MMP16: variants seen among roughly 807,000 people sequenced by gnomAD.
MMP16 encodes the protein matrix metalloproteinase-16.
A neutral mutation model predicts 67.8 loss-of-function variants in MMP16; 12 were observed. The ratio of observed to expected loss-of-function variants is 0.18; its 90% confidence interval spans 0.11 to 0.29. The LOEUF is 0.29. MMP16 is among the 10% of genes least tolerant of loss of function. The pLI is 1.00. For synonymous variants in MMP16, 249 were observed against 255.9 expected (o/e 0.97, Z 0.26); for missense variants, 475 against 765.7 (o/e 0.62, Z 4.48).
intron 4 of MMP16, among the ~76,000 whole-genome samples, chr8:88,163,229 C>T (rs546275464): frequency 3.3e-5 from 5 of 152,144 alleles, no homozygotes; most frequent in African/African-American, 1.2e-4. Context: ...TCCGTTGACT[C>T]AAGTATCACA....
intron 1 of MMP16, among the ~76,000 whole-genome samples, chr8:88,267,453 C>T (rs1030556124): frequency 4.6e-5 from 7 of 152,172 alleles, no homozygotes; most frequent in African/African-American, 1.7e-4. Context: ...AACACTTGCA[C>T]CTATTAATGT....
At chr8:88,304,916 C>T (rs1811190217) in intron 1 of MMP16, among the ~76,000 whole-genome samples, 1 of 152,156 alleles carries the variant, frequency 6.6e-6, no homozygotes, top group Non-Finnish European at 1.5e-5. Flanking sequence ...CAGCTACCAT[C>T]ATAATGACAG....
At chr8:88,309,757 T>G (rs533553550) in intron 1 of MMP16, among the ~76,000 whole-genome samples, 5 of 152,118 alleles carry the variant, frequency 3.3e-5, no homozygotes, top group African/African-American at 1.2e-4. Context: ...GTATTCTCTG[T>G]TTTTATCCTG....
At chr8:88,263,619 G>C (rs1157812177) in intron 1 of MMP16, among the ~76,000 whole-genome samples, 1 of 152,216 alleles carries the variant, frequency 6.6e-6, no homozygotes, top group East Asian at 1.9e-4. Context: ...TTGGCTTATA[G>C]AGAGCTATCT....
At chr8:88,088,880 AC>A (rs1250861561) in intron 6 of MMP16, among the ~76,000 whole-genome samples, 2 of 152,092 alleles carry the variant, frequency 1.3e-5, no homozygotes. Context: ...TATGGGTTTT[AC>A]CCATGAATTA....
chr8:88,149,038 G>T (rs958022253), intron 4 of MMP16, among the ~76,000 whole-genome samples: 1 of 152,228 alleles, frequency 6.6e-6, no homozygotes, highest in African/African-American at 2.4e-5. Context: ...GCGAGGCATT[G>T]CCTCACCTGG....
At chr8:88,286,129 C>T (rs1810827079) in intron 1 of MMP16, among the ~76,000 whole-genome samples, 1 of 152,144 alleles carries the variant, frequency 6.6e-6, no homozygotes, top group South Asian at 2.1e-4. Context: ...CACTCCTTCC[C>T]ACTCAATACA....
Position 88,250,965 on chromosome 8 carries a change from C to T in MMP16, c.133-53659G>A, listed in dbSNP as rs1810208490. On this transcript the variant is annotated intron_variant, in intron 1 of 9. Transcript: ENST00000286614. ...ACAACAGTCCCCAGAGTGTGATGCTCCCCTTCCTGTGTCCATGTGATCTCA... is the reference window on the plus strand; with the variant it reads ...ACAACAGTCCCCAGAGTGTGATGCTTCCCTTCCTGTGTCCATGTGATCTCA... Among the ~76,000 whole-genome samples, 10 of 144,810 alleles carry T rather than the reference C, an allele frequency of 6.9e-5. No individual in the cohort carries two copies. In the South Asian group the frequency reaches 2.3e-3, roughly 34 times the overall value.
chr8:88,167,908 T>A lies in MMP16; in HGVS notation c.470A>T (p.Asp157Val). ...ETRKAIRRAF[D>V]VWQNVTPLTF... ...CAGAGGAGTTACATTCTGCCACACA[T>A]CAAAGGCACGGCGAATAGCTTTACG... is the stretch of plus-strand genomic sequence containing the variant. Residue 157 changes from aspartate to valine, a missense_variant, in exon 4 of 10, where the codon GAT becomes GTT. Physicochemically the swap from Asp to Val is radical, Grantham distance 152. This residue lies in a region of MMP16 where 170 missense variants were observed against 239.6 expected (regional missense o/e 0.71). Transcript: ENST00000286614. 6 of 1,614,010 alleles carry A rather than the reference T, an allele frequency of 3.7e-6. No homozygotes were observed. Among genetic ancestry groups the A allele is most frequent in the Non-Finnish European group, 5.1e-6 (6 of 1,179,958 alleles).
At chr8:88,217,722 T>C (rs1456710227) in intron 1 of MMP16, among the ~76,000 whole-genome samples, 3 of 152,066 alleles carry the variant, frequency 2.0e-5, no homozygotes, top group African/African-American at 4.8e-5. Flanking sequence ...TGATCCTTAC[T>C]ATCACTATTT....
chr8:88,045,609 A>G (rs1272613124), intron 9 of MMP16, among the ~76,000 whole-genome samples: 3 of 151,898 alleles, frequency 2.0e-5, no homozygotes, highest in Non-Finnish European at 4.4e-5. Context: ...CAGGTAATCT[A>G]CCCACCTCAG....
chr8:88,144,531 T>A lies in MMP16; in HGVS notation c.709+23138A>T, dbSNP rs576862910. 3.8e-3 allele frequency among the ~76,000 whole-genome samples: 572 copies of A among 151,732 alleles called. 6 individuals are homozygous for A. Among genetic ancestry groups the A allele is most frequent in the African/African-American group, 0.012 (502 of 41,488 alleles). On this transcript the variant is annotated intron_variant, in intron 4 of 9. Transcript: ENST00000286614. The stretch of plus-strand genomic sequence containing the variant: ...GGTTTAAAAAATTAAAATGAAAAAA[T>A]TAGAGACTTTTATCTAATTTTAGCA...
At chr8:88,061,127 TAC>T (rs149547108) in intron 7 of MMP16, among the ~76,000 whole-genome samples, 7,213 of 142,956 alleles carry the variant, frequency 0.05, 180 homozygotes, top group East Asian at 0.11. Context: ...CTGAATATTA[TAC>T]ACACACACAC....
At chr8:88,264,064 AGAGAGTGT>A (rs1810435677) in intron 1 of MMP16, among the ~76,000 whole-genome samples, 2 of 44,230 alleles carry the variant, frequency 4.5e-5, no homozygotes, top group East Asian at 8.1e-4. Flanking sequence ...ATAGGGAGAG[AGAGAGTGT>A]GTGTGTGTGT....
At chr8:88,050,254 C>T (rs774521724) in intron 8 of MMP16, among the ~76,000 whole-genome samples, 9 of 151,496 alleles carry the variant, frequency 5.9e-5, no homozygotes, top group Non-Finnish European at 1.3e-4. Flanking sequence ...ACCCAGGAGG[C>T]GAAGGTTGCA....
intron 7 of MMP16, among the ~76,000 whole-genome samples, chr8:88,059,348 G>T (rs1001703213): frequency 3.3e-5 from 5 of 151,954 alleles, no homozygotes; most frequent in African/African-American, 1.2e-4. Context: ...AAAAGTAAAA[G>T]AAAACATCAG....
At chr8:88,193,645 T>TTG (rs1809205658) in intron 2 of MMP16, among the ~76,000 whole-genome samples, 1 of 152,040 alleles carries the variant, frequency 6.6e-6, no homozygotes, top group Non-Finnish European at 1.5e-5. Flanking sequence ...ATACCCCAAC[T>TTG]ACCCTGATTT....
intron 7 of MMP16, among the ~76,000 whole-genome samples, chr8:88,073,801 T>G (rs1309885375): frequency 1.1e-4 from 17 of 152,134 alleles, no homozygotes. Context: ...TCTCTATTCC[T>G]GTATAAGCTT....
intron 1 of MMP16, among the ~76,000 whole-genome samples, chr8:88,279,286 A>G (rs2129989996): frequency 6.6e-6 from 1 of 152,072 alleles, no homozygotes; most frequent in Non-Finnish European, 1.5e-5. Flanking sequence ...TTTATTGGTC[A>G]TATGTTAAAA....
Sources: allele counts gnomAD v4.1 joint callset (sites outside exome capture counted in the v4.1 genomes callset), GRCh38; gene constraint gnomAD v4.1.1; regional missense constraint gnomAD v4.1.1; transcripts MANE v1.5; gene names NCBI Gene and HGNC (gene_info 2026-07-23, HGNC 2026-07-21).